SHANK2: variants seen among roughly 807,000 people sequenced by gnomAD.
The protein encoded by SHANK2 is SH3 and multiple ankyrin repeat domains 2.
A neutral mutation model predicts 133.7 loss-of-function variants in SHANK2; 43 were observed. The ratio of observed to expected loss-of-function variants is 0.32; its 90% confidence interval spans 0.25 to 0.41. The LOEUF (loss-of-function observed/expected upper bound fraction) is 0.41. Ranked by LOEUF, SHANK2 falls within the 10% of genes least tolerant of loss-of-function variation. SHANK2 has a pLI of 1.00. For synonymous variants in SHANK2, 1,017 were observed against 952.8 expected, an observed-to-expected ratio of 1.07 and a Z score of -1.24; for missense variants, 1,994 against 2,235.8, an observed-to-expected ratio of 0.89 and a Z score of 2.18.
intron 17 of SHANK2, among the ~76,000 whole-genome samples, chr11:70,572,490 G>C (rs1319318272): frequency 6.6e-6 from 1 of 152,136 alleles, no homozygotes; most frequent in African/African-American, 2.4e-5. Context: ...CCTCCATCTA[G>C]GGTATTTTGC....
At chr11:70,835,283 A>T (rs1555059765) in intron 11 of SHANK2, among the ~76,000 whole-genome samples, 1 of 152,080 alleles carries the variant, frequency 6.6e-6, no homozygotes, top group East Asian at 1.9e-4. Flanking sequence ...CTGAGAGCTG[A>T]GTGACTGTGG....
intron 15 of SHANK2, among the ~76,000 whole-genome samples, chr11:70,698,448 T>C (rs1454129611): frequency 6.6e-6 from 1 of 152,156 alleles, no homozygotes; most frequent in African/African-American, 2.4e-5. Flanking sequence ...TACCCAGCCC[T>C]CTCCCTGGGG....
Position 70,484,540 on chromosome 11 carries a change from T to G in SHANK2, c.4979+774A>C, listed in dbSNP as rs11236418. 3.9e-3 allele frequency among the ~76,000 whole-genome samples: 596 copies of G among 152,290 alleles called. 3 individuals carry two copies. Among genetic ancestry groups the G allele is most frequent in the African/African-American group, 0.013 (534 of 41,546 alleles). On this transcript the variant is annotated intron_variant, in intron 25 of 25. Coordinates refer to ENST00000601538, the MANE Select transcript of SHANK2 (RefSeq NM_012309.5). Reference sequence around the variant, plus strand: ...CAATTAAACCTCATTTTTTTATAAATTACCCAGTCTCAGCTATTTCTTTAT... The same window carrying G: ...CAATTAAACCTCATTTTTTTATAAAGTACCCAGTCTCAGCTATTTCTTTAT...
At chr11:71,237,337 TAAGTA>T (rs2135792369) in intron 1 of SHANK2, among the ~76,000 whole-genome samples, 1 of 152,294 alleles carries the variant, frequency 6.6e-6, no homozygotes, top group East Asian at 1.9e-4. Context: ...CCTGTTTTTA[TAAGTA>T]AAGTTTTTAT....
chr11:71,171,543 A>G (rs1953314287), intron 2 of SHANK2, among the ~76,000 whole-genome samples: 1 of 152,214 alleles, frequency 6.6e-6, no homozygotes, highest in Admixed American at 6.5e-5. Context: ...TTGTCCAAAG[A>G]CAAGAGAGGA....
intron 6 of SHANK2, among the ~76,000 whole-genome samples, chr11:71,109,734 C>A (rs964377424): frequency 6.6e-6 from 1 of 152,270 alleles, no homozygotes; most frequent in African/African-American, 2.4e-5. Context: ...CCAGGCCCCA[C>A]GCAAGATGCT....
chr11:70,717,242 A>T (rs1326191213), intron 14 of SHANK2, among the ~76,000 whole-genome samples: 24 of 152,274 alleles, frequency 1.6e-4, no homozygotes, highest in Admixed American at 5.2e-4. Flanking sequence ...AACAAGCCAC[A>T]TCTGTAGCCA....
intron 6 of SHANK2, among the ~76,000 whole-genome samples, chr11:71,101,164 T>TCCA (rs1951711290): frequency 6.6e-6 from 1 of 152,162 alleles, no homozygotes; most frequent in Admixed American, 6.5e-5. Context: ...AGGGGAAAAC[T>TCCA]CCATGCCTTC....
intron 10 of SHANK2, among the ~76,000 whole-genome samples, chr11:70,939,076 G>A (rs1950609865): frequency 6.6e-6 from 1 of 152,148 alleles, no homozygotes; most frequent in Admixed American, 6.5e-5. Flanking sequence ...GGAGATGACA[G>A]ACCCTAAGGG....
At chr11:70,672,377 C>T (rs1238936641) in intron 15 of SHANK2, among the ~76,000 whole-genome samples, 2 of 152,160 alleles carry the variant, frequency 1.3e-5, no homozygotes, top group South Asian at 2.1e-4. Flanking sequence ...CCATTATAAT[C>T]GAGGATAAAA....
At chr11:71,202,307 A>T (rs1954034329) in intron 2 of SHANK2, among the ~76,000 whole-genome samples, 1 of 152,130 alleles carries the variant, frequency 6.6e-6, no homozygotes, top group Non-Finnish European at 1.5e-5. Context: ...ATGGAACCAC[A>T]TCTCAGAATG....
At chr11:71,138,782 C>A (rs570831795) in intron 3 of SHANK2, among the ~76,000 whole-genome samples, 1 of 143,774 alleles carries the variant, frequency 7.0e-6, no homozygotes, top group South Asian at 2.2e-4. Flanking sequence ...CAGAGCAAGA[C>A]CCTATCTCAA....
At chr11:70,815,983 C>T (rs922830864) in intron 12 of SHANK2, among the ~76,000 whole-genome samples, 1 of 152,230 alleles carries the variant, frequency 6.6e-6, no homozygotes, top group Non-Finnish European at 1.5e-5. Flanking sequence ...CTCTGCTTCC[C>T]CTGCTTCTTA....
Position 71,094,547 on chromosome 11 carries a change from A to G in SHANK2, c.734T>C (p.Val245Ala). 6.4e-7 allele frequency: 1 copy of G among 1,550,842 alleles called. No homozygotes were observed. The highest frequency in any genetic ancestry group is 8.7e-7 in the Non-Finnish European group (1 of 1,146,364). ...LHKAARARNQ[V>A]ALKTLLELGA... ...TGGGCCCGAGTTTACCTTCAGGGCA[A>G]CTTGGTTCCTCGCTCGGGCAGCTTT... is the stretch of plus-strand genomic sequence containing the variant. The change falls in exon 7 of 26, where the codon GTT (valine) becomes GCT (alanine). Residue 245 changes from valine to alanine, a missense_variant. This residue lies in a region of SHANK2 where 653 missense variants were observed against 563.4 expected (regional missense o/e 1.16). Transcript: ENST00000601538.
chr11:71,058,408 G>T (rs1455087460), intron 9 of SHANK2, among the ~76,000 whole-genome samples: 5 of 152,210 alleles, frequency 3.3e-5, no homozygotes, highest in African/African-American at 1.2e-4. Context: ...AACCAGTGGG[G>T]ACTGCAGCGG....
intron 25 of SHANK2, among the ~76,000 whole-genome samples, chr11:70,480,779 A>G (rs1179869252): frequency 6.6e-6 from 1 of 152,226 alleles, no homozygotes. Context: ...CTAGGCTTAT[A>G]GAAAGTAGCT....
At chr11:70,563,775 C>A (rs528842770) in intron 17 of SHANK2, among the ~76,000 whole-genome samples, 1 of 152,070 alleles carries the variant, frequency 6.6e-6, no homozygotes, top group Non-Finnish European at 1.5e-5. Flanking sequence ...CGACCCCAGG[C>A]ACTGTCTTTT....
intron 17 of SHANK2, among the ~76,000 whole-genome samples, chr11:70,556,590 C>CTT (rs56161301): frequency 4.1e-4 from 58 of 140,168 alleles, no homozygotes; most frequent in Non-Finnish European, 6.0e-4. Context: ...TAATTTTTTT[C>CTT]TTTTTTTTTT....
intron 2 of SHANK2, among the ~76,000 whole-genome samples, chr11:71,152,961 A>G (rs1952825543): frequency 6.6e-6 from 1 of 152,190 alleles, no homozygotes; most frequent in South Asian, 2.1e-4. Flanking sequence ...TCAGACAAAC[A>G]ACAAAGACAC....
Sources: gnomAD v4.1 joint callset for allele counts (sites outside exome capture counted in the v4.1 genomes callset) on GRCh38, gnomAD v4.1.1 for gene constraint, gnomAD v4.1.1 regional missense constraint, MANE v1.5 for transcripts, NCBI Gene and HGNC (gene_info 2026-07-23, HGNC 2026-07-21) for gene names.